The following PKHD1 variants were observed in gnomAD, a reference collection of about 807,000 sequenced individuals.
The protein encoded by PKHD1 is fibrocystin.
A neutral mutation model predicts 412.0 loss-of-function variants in PKHD1; 291 were observed. That is an observed-to-expected ratio of 0.71 (90% confidence interval 0.64 to 0.78). The LOEUF is 0.78. Ranked by LOEUF, PKHD1 falls within the 30% of genes least tolerant of loss-of-function variation. The probability of loss-of-function intolerance (pLI) is 0.00; values close to 1 mark genes in which losing one functional copy is unlikely to be tolerated. For missense variants in PKHD1, 4,825 were observed against 4,950.7 expected (o/e 0.97, Z 0.76); for synonymous variants, 1,777 against 1,821.5 (o/e 0.98, Z 0.62).
chr6:51,666,509 G>A (rs568207653), intron 60 of PKHD1, among the ~76,000 whole-genome samples: 16 of 151,970 alleles, frequency 1.1e-4, no homozygotes, highest in African/African-American at 2.4e-4. Flanking sequence ...TTTCAGCTTC[G>A]CAACTCATTA....
intron 60 of PKHD1, among the ~76,000 whole-genome samples, chr6:51,708,552 A>G (rs1469418213): frequency 6.6e-6 from 1 of 152,210 alleles, no homozygotes; most frequent in Non-Finnish European, 1.5e-5. Context: ...ATATTCTGGG[A>G]ACTGAGATTT....
intron 60 of PKHD1, among the ~76,000 whole-genome samples, chr6:51,685,025 C>A (rs748274860): frequency 2.0e-5 from 3 of 152,032 alleles, no homozygotes; most frequent in Non-Finnish European, 2.9e-5. Flanking sequence ...CTATAAAATT[C>A]TTTTTGCTTG....
chr6:51,709,294 A>T (rs1259438124), intron 60 of PKHD1, among the ~76,000 whole-genome samples: 1 of 152,242 alleles, frequency 6.6e-6, no homozygotes, highest in African/African-American at 2.4e-5. Context: ...AACAAATGAC[A>T]GCTTCCATAT....
Position 52,024,581 on chromosome 6 carries a change from C to A in PKHD1, c.5229G>T (p.Glu1743Asp). ...CTTATTTGCTTGACTTACCGAAGTT[C>A]TCCGTCACTGCTGTAATAATAACTC... ...TSRVIITAVTENFGCLGGRLV... is the reference protein window; with the variant it reads ...TSRVIITAVTDNFGCLGGRLV... The change falls in exon 32 of 67, where the codon GAG becomes GAT. Residue 1743 changes from glutamate to aspartate, a missense_variant. Transcript: ENST00000371117. 1 of 1,613,986 alleles carries A rather than the reference C, an allele frequency of 6.2e-7. No individual in the cohort carries two copies. The highest frequency in any genetic ancestry group is 1.1e-5 in the South Asian group (1 of 91,058).
chr6:51,804,434 A>C (rs1408855886), intron 52 of PKHD1, among the ~76,000 whole-genome samples: 2 of 149,522 alleles, frequency 1.3e-5, no homozygotes, highest in Admixed American at 1.3e-4. Context: ...GCTGGCACAT[A>C]AAAGGCATTC....
intron 36 of PKHD1, among the ~76,000 whole-genome samples, chr6:51,943,784 A>C (rs920678318): frequency 6.6e-6 from 1 of 151,260 alleles, no homozygotes; most frequent in African/African-American, 2.4e-5. Context: ...ACAACCCCAC[A>C]ATATCACCCC....
intron 49 of PKHD1, among the ~76,000 whole-genome samples, chr6:51,850,232 T>G (rs1282811518): frequency 6.6e-6 from 1 of 152,202 alleles, no homozygotes; most frequent in Non-Finnish European, 1.5e-5. Flanking sequence ...CTGAAGTCTC[T>G]GTTCTGCTCC....
At chr6:51,699,339 T>C (rs2150690391) in intron 60 of PKHD1, among the ~76,000 whole-genome samples, 1 of 152,282 alleles carries the variant, frequency 6.6e-6, no homozygotes, top group East Asian at 1.9e-4. Flanking sequence ...TCATACAGGA[T>C]GTGTAGCCTT....
chr6:52,085,477 TGCTG>T (rs67681048), intron 1 of PKHD1, among the ~76,000 whole-genome samples: 45,390 of 151,664 alleles, frequency 0.3, 7,130 homozygotes, highest in East Asian at 0.43. Flanking sequence ...CCTTGGCCCC[TGCTG>T]GTCCCTTCCT....
chr6:51,954,909 T>C (rs1790887520), intron 36 of PKHD1, among the ~76,000 whole-genome samples: 1 of 152,034 alleles, frequency 6.6e-6, no homozygotes, highest in South Asian at 2.1e-4. Context: ...TCAGGAAATA[T>C]GAATGTTTCC....
intron 7 of PKHD1, 134 bp from the exon 8 acceptor site, chr6:52,072,323 G>T (rs1810744258): frequency 7.1e-6 from 5 of 699,930 alleles, no homozygotes; most frequent in African/African-American, 7.0e-5. Flanking sequence ...TATTGCAGGT[G>T]GCTGAAGGCG....
chr6:52,080,771 T>C (rs184884966), intron 4 of PKHD1, among the ~76,000 whole-genome samples: 2 of 152,286 alleles, frequency 1.3e-5, no homozygotes, highest in Admixed American at 6.5e-5. Context: ...AGACTTGGTA[T>C]ACAAAAAAGA....
chr6:51,745,344 G>A (rs920123758), intron 59 of PKHD1, among the ~76,000 whole-genome samples: 4 of 152,130 alleles, frequency 2.6e-5, no homozygotes, highest in African/African-American at 9.7e-5. Flanking sequence ...TCATGAATAA[G>A]ATAGTACCCT....
intron 52 of PKHD1, among the ~76,000 whole-genome samples, chr6:51,828,671 A>C (rs1489898488): frequency 6.6e-6 from 1 of 151,164 alleles, no homozygotes; most frequent in Admixed American, 6.6e-5. Context: ...TTTGCGCCAG[A>C]GTCAGGTGGA....
intron 60 of PKHD1, among the ~76,000 whole-genome samples, chr6:51,670,827 G>A (rs1212042347): frequency 6.6e-6 from 1 of 150,760 alleles, no homozygotes; most frequent in Non-Finnish European, 1.5e-5. Context: ...GGCTGGATAT[G>A]AAATTCTGGG....
At chr6:51,777,417 G>A (rs982297118) in intron 53 of PKHD1, among the ~76,000 whole-genome samples, 1 of 152,080 alleles carries the variant, frequency 6.6e-6, no homozygotes, top group African/African-American at 2.4e-5. Flanking sequence ...CAATGGGTGA[G>A]CAAGCCTATG....
At chr6:51,620,122 C>A (rs1294739976) in intron 66 of PKHD1, among the ~76,000 whole-genome samples, 2 of 152,180 alleles carry the variant, frequency 1.3e-5, no homozygotes, top group African/African-American at 4.8e-5. Flanking sequence ...TGCTATCTGG[C>A]TTCATGACTT....
intron 41 of PKHD1, 124 bp downstream of exon 41, chr6:51,906,091 C>T (rs1371285522): frequency 1.5e-5 from 12 of 804,330 alleles, no homozygotes; most frequent in Non-Finnish European, 2.5e-5. Flanking sequence ...TACTGTAGCC[C>T]ATTTCTAGTG....
intron 21 of PKHD1, among the ~76,000 whole-genome samples, chr6:52,051,255 C>T (rs1045656111): frequency 6.6e-6 from 1 of 152,138 alleles, no homozygotes; most frequent in African/African-American, 2.4e-5. Flanking sequence ...ATAACAGGAC[C>T]AACTCATGGG....
Sources: allele counts gnomAD v4.1 joint callset (sites outside exome capture counted in the v4.1 genomes callset), GRCh38; gene constraint gnomAD v4.1.1; transcripts MANE v1.5; gene names NCBI Gene and HGNC (gene_info 2026-07-23, HGNC 2026-07-21).